The following LANCL1 variants were observed in gnomAD, a reference collection of about 807,000 sequenced individuals.
The protein encoded by LANCL1 is LanC like glutathione S-transferase 1.
A neutral mutation model predicts 50.6 loss-of-function variants in LANCL1; 50 were observed. The observed-to-expected ratio is 0.99, with a 90% CI of 0.79 to 1.25. The LOEUF (loss-of-function observed/expected upper bound fraction) is 1.25, where lower values mean the gene tolerates loss of function less well. LANCL1 is among the 50% of genes most tolerant of loss of function. The probability of loss-of-function intolerance (pLI) is 0.00; values close to 1 mark genes in which losing one functional copy is unlikely to be tolerated. For missense variants in LANCL1, 532 were observed against 480.7 expected (o/e 1.11, Z -1.00); for synonymous variants, 188 against 178.6 (o/e 1.05, Z -0.42).
intron 4 of LANCL1, among the ~76,000 whole-genome samples, chr2:210,445,683 AAACT>A (rs1196917299): frequency 6.6e-6 from 1 of 152,192 alleles, no homozygotes; most frequent in Non-Finnish European, 1.5e-5. Context: ...AGAAACTCTC[AAACT>A]AACAAGCACT....
chr2:210,441,538 C>A (rs1180955035), intron 4 of LANCL1, 95 bp from the exon 5 acceptor site: 3 of 960,518 alleles, frequency 3.1e-6, no homozygotes, highest in African/African-American at 3.3e-5. Flanking sequence ...TACATGCACA[C>A]AAAATATGTA....
rs141724332 is a variant in LANCL1 at position 210,460,137 on chromosome 2, C to T, written c.200-4823G>A. Among the ~76,000 whole-genome samples, 3 of 152,282 alleles carry T rather than the reference C, an allele frequency of 2.0e-5. No homozygotes were observed. The East Asian group carries it at 5.8e-4, about 29-fold the overall frequency. On this transcript the variant is annotated intron_variant, in intron 3 of 9. Transcript: ENST00000450366. ...TACTTTTCTGCGATTTTGCATTCTACAGATTATTCCTCAACATTTTTCATT... is the reference window on the plus strand; with the variant it reads ...TACTTTTCTGCGATTTTGCATTCTATAGATTATTCCTCAACATTTTTCATT...
At chr2:210,472,582 G>C (rs1454927679) in intron 2 of LANCL1, among the ~76,000 whole-genome samples, 2 of 152,184 alleles carry the variant, frequency 1.3e-5, no homozygotes, top group Admixed American at 6.5e-5. Context: ...AGAGCCTTAA[G>C]CAGAATAGAA....
chr2:210,461,599 G>A (rs1693864143), intron 3 of LANCL1, among the ~76,000 whole-genome samples: 1 of 152,110 alleles, frequency 6.6e-6, no homozygotes, highest in Admixed American at 6.6e-5. Flanking sequence ...TTACTCTAGG[G>A]ATTATGCTAC....
chr2:210,471,042 A>ATTT (rs35572251), intron 3 of LANCL1, among the ~76,000 whole-genome samples: 50 of 96,288 alleles, frequency 5.2e-4, no homozygotes, highest in Non-Finnish European at 7.2e-4. Context: ...TTCTTCTTTG[A>ATTT]TTTTTTTTTT....
intron 3 of LANCL1, among the ~76,000 whole-genome samples, chr2:210,456,767 C>G (rs1247560364): frequency 6.6e-6 from 1 of 152,096 alleles, no homozygotes; most frequent in African/African-American, 2.4e-5. Flanking sequence ...ATGTAAGCAC[C>G]AAAGCCAGAT....
At chr2:210,438,182 T>A (rs563412988) in intron 6 of LANCL1, among the ~76,000 whole-genome samples, 82 of 150,134 alleles carry the variant, frequency 5.5e-4, no homozygotes, top group African/African-American at 1.9e-3. Flanking sequence ...TCACCCAGGC[T>A]GAAGTGCAAT....
intron 3 of LANCL1, among the ~76,000 whole-genome samples, chr2:210,459,162 G>T (rs1693761019): frequency 6.6e-6 from 1 of 151,938 alleles, no homozygotes; most frequent in South Asian, 2.1e-4. Context: ...AACTGATCTA[G>T]AGTTTAGAAT....
chr2:210,460,673 C>T (rs1427335357), intron 3 of LANCL1: 1 of 152,212 alleles, frequency 6.6e-6, no homozygotes, highest in Non-Finnish European at 1.5e-5. Context: ...GTGCACAGCA[C>T]TCTCCCCATG....
intron 3 of LANCL1, among the ~76,000 whole-genome samples, chr2:210,461,467 G>A (rs1693857105): frequency 6.6e-6 from 1 of 152,014 alleles, no homozygotes; most frequent in Non-Finnish European, 1.5e-5. Context: ...AAGTAAGTCT[G>A]GTGTCAGCAG....
At chr2:210,476,455 C>T (rs1405786361) in intron 1 of LANCL1, 43 bp from the exon 2 acceptor site, 3 of 1,545,546 alleles carry the variant, frequency 1.9e-6, no homozygotes, top group Non-Finnish European at 2.6e-6. Flanking sequence ...GAGATAGGGG[C>T]CTCGGCCGAG....
chr2:210,441,262 TA>T (rs773969839), intron 5 of LANCL1, 45 bp downstream of exon 5: 1 of 1,584,546 alleles, frequency 6.3e-7, no homozygotes, highest in South Asian at 1.1e-5. Flanking sequence ...AGATAGTAAG[TA>T]AATGGGATCC....
At chr2:210,462,101 A>G (rs1225312453) in intron 3 of LANCL1, among the ~76,000 whole-genome samples, 1 of 152,192 alleles carries the variant, frequency 6.6e-6, no homozygotes, top group Non-Finnish European at 1.5e-5. Flanking sequence ...GACCAGCTCC[A>G]TGGCAGGTAG....
At chr2:210,458,636 C>T (rs564362734) in intron 3 of LANCL1, among the ~76,000 whole-genome samples, 7 of 152,030 alleles carry the variant, frequency 4.6e-5, no homozygotes, top group South Asian at 2.1e-4. Flanking sequence ...TGGGGGATGG[C>T]GGAGAAGAAG....
chr2:210,476,187 T>C (rs1237781162), intron 2 of LANCL1, 129 bp downstream of exon 2: 1 of 581,002 alleles, frequency 1.7e-6, no homozygotes, highest in African/African-American at 1.9e-5. Context: ...TTTTAAATAA[T>C]TTACGTATTT....
At chr2:210,438,926 T>C (rs1160051296) in intron 6 of LANCL1, among the ~76,000 whole-genome samples, 2 of 152,048 alleles carry the variant, frequency 1.3e-5, no homozygotes, top group South Asian at 4.2e-4. Context: ...GTGTGGGGCA[T>C]GTGGTGGTGA....
chr2:210,472,795 G>T (rs1553715589), intron 2 of LANCL1, among the ~76,000 whole-genome samples: 1 of 152,136 alleles, frequency 6.6e-6, no homozygotes, highest in Non-Finnish European at 1.5e-5. Flanking sequence ...ATTTCAAAAG[G>T]TACTTTGGGG....
At chr2:210,456,741 C>G (rs1275503309) in intron 3 of LANCL1, among the ~76,000 whole-genome samples, 1 of 152,150 alleles carries the variant, frequency 6.6e-6, no homozygotes, top group Non-Finnish European at 1.5e-5. Context: ...GCTGCCTGAA[C>G]TCTCCTAGTT....
At chr2:210,465,431 G>C (rs1389879551) in intron 3 of LANCL1, among the ~76,000 whole-genome samples, 1 of 152,180 alleles carries the variant, frequency 6.6e-6, no homozygotes, top group African/African-American at 2.4e-5. Flanking sequence ...GAGGTCTGCA[G>C]CTGCAGTTGC....
Sources: allele counts gnomAD v4.1 joint callset (sites outside exome capture counted in the v4.1 genomes callset), GRCh38; gene constraint gnomAD v4.1.1; transcripts MANE v1.5; gene names NCBI Gene and HGNC (gene_info 2026-07-23, HGNC 2026-07-21).